The following NUBPL variants were observed in gnomAD, a reference collection of about 807,000 sequenced individuals.
NUBPL encodes the protein NUBP iron-sulfur cluster assembly factor, mitochondrial.
A neutral mutation model predicts 45.7 loss-of-function variants in NUBPL; 31 were observed. That is an observed-to-expected ratio of 0.68 (90% CI 0.51 to 0.92). The LOEUF is 0.92. Ranked by LOEUF, NUBPL falls within the 40% of genes least tolerant of loss-of-function variation. The pLI, the probability that NUBPL is intolerant of heterozygous loss-of-function variation, is 0.00. For missense variants in NUBPL, 401 were observed against 398.7 expected (o/e 1.01, Z -0.05); for synonymous variants, 144 against 140.9 (o/e 1.02, Z -0.15).
intron 6 of NUBPL, among the ~76,000 whole-genome samples, chr14:31,683,135 C>T (rs1451195153): frequency 6.7e-6 from 1 of 149,946 alleles, no homozygotes; most frequent in South Asian, 2.1e-4. Flanking sequence ...GACCCAAGAA[C>T]CTCCCACTAG....
intron 6 of NUBPL, among the ~76,000 whole-genome samples, chr14:31,785,699 G>T (rs1440361742): frequency 6.6e-6 from 1 of 151,982 alleles, no homozygotes; most frequent in African/African-American, 2.4e-5. Context: ...TCACTAAATT[G>T]TCAGTTCCAT....
intron 6 of NUBPL, among the ~76,000 whole-genome samples, chr14:31,683,066 T>A (rs527838783): frequency 3.5e-5 from 5 of 143,438 alleles, no homozygotes; most frequent in African/African-American, 1.3e-4. Context: ...ACTAATAGAG[T>A]GAGAACTCTC....
At chr14:31,662,546 C>G (rs1211876392) in intron 4 of NUBPL, among the ~76,000 whole-genome samples, 1 of 152,044 alleles carries the variant, frequency 6.6e-6, no homozygotes, top group East Asian at 1.9e-4. Context: ...GTTCAACTAC[C>G]ACTTATGATT....
chr14:31,632,059 T>C (rs1183945767), intron 4 of NUBPL, among the ~76,000 whole-genome samples: 1 of 152,104 alleles, frequency 6.6e-6, no homozygotes, highest in East Asian at 1.9e-4. Context: ...AATCCTGGAG[T>C]TTCTAGATTA....
At chr14:31,598,522 GA>G (rs1222436481) in intron 3 of NUBPL, among the ~76,000 whole-genome samples, 3 of 151,404 alleles carry the variant, frequency 2.0e-5, no homozygotes, top group Non-Finnish European at 4.4e-5. Context: ...AGGGGAAGAA[GA>G]AAAAAAAGAG....
chr14:31,826,450 A>T (rs2138967169), intron 7 of NUBPL, among the ~76,000 whole-genome samples, 179 bp from the exon 8 acceptor site: 1 of 152,258 alleles, frequency 6.6e-6, no homozygotes, highest in African/African-American at 2.4e-5. Context: ...GAGGATTCAA[A>T]GGTAGGCCAA....
At chr14:31,722,588 A>G (rs371386617) in intron 6 of NUBPL, among the ~76,000 whole-genome samples, 23 of 152,226 alleles carry the variant, frequency 1.5e-4, no homozygotes, top group African/African-American at 5.1e-4. Flanking sequence ...TTTCTCCGCT[A>G]CTTCGCCAGT....
intron 6 of NUBPL, among the ~76,000 whole-genome samples, chr14:31,777,600 A>G (rs1217617921): frequency 6.6e-6 from 1 of 152,160 alleles, no homozygotes; most frequent in Non-Finnish European, 1.5e-5. Flanking sequence ...GTAGGGTGAA[A>G]CACAGAAGGA....
intron 7 of NUBPL, among the ~76,000 whole-genome samples, chr14:31,806,648 C>G (rs1292522210): frequency 6.6e-6 from 1 of 151,878 alleles, no homozygotes; most frequent in African/African-American, 2.4e-5. Context: ...ACTTTAAGTT[C>G]TAGGGTACAT....
chr14:31,697,794 A>G (rs1333402503), intron 6 of NUBPL, among the ~76,000 whole-genome samples: 12 of 152,218 alleles, frequency 7.9e-5, no homozygotes, highest in Admixed American at 3.9e-4. Flanking sequence ...AGTGATAATT[A>G]AGAAGCCTTA....
At chr14:31,589,230 T>C (rs1332089859) in intron 3 of NUBPL, among the ~76,000 whole-genome samples, 2 of 152,152 alleles carry the variant, frequency 1.3e-5, no homozygotes, top group African/African-American at 4.8e-5. Flanking sequence ...ATAATTATGG[T>C]GCCTTGATAA....
chr14:31,793,382 A>G (rs938399968), intron 7 of NUBPL, among the ~76,000 whole-genome samples: 1 of 152,116 alleles, frequency 6.6e-6, no homozygotes, highest in African/African-American at 2.4e-5. Flanking sequence ...ACTCCCCGCC[A>G]TCTTCCCCAA....
At chr14:31,563,986 C>T (rs747377328) in intron 2 of NUBPL, among the ~76,000 whole-genome samples, 16 of 152,116 alleles carry the variant, frequency 1.1e-4, no homozygotes, top group Admixed American at 2.0e-4. Context: ...GGTAAAATAA[C>T]CTACTCAAGA....
In NUBPL at chr14:31,602,194, A is replaced by T. The variant is rs546868261; in HGVS notation, c.382+2815A>T. 1.6e-3 allele frequency among the ~76,000 whole-genome samples: 243 copies of T among 152,066 alleles called. 2 individuals carry two copies. The highest frequency in any genetic ancestry group is 5.7e-3 in the African/African-American group (235 of 41,450). On this transcript the variant is annotated intron_variant, in intron 4 of 10. Coordinates refer to ENST00000281081, the MANE Select transcript of NUBPL (RefSeq NM_025152.3). The stretch of plus-strand genomic sequence containing the variant: ...CATAGGTGGGAATTGAACAATGAGA[A>T]CACATGGACACAGGAAGGGGAAGAT...
chr14:31,606,114 T>TC (rs2034592126), intron 4 of NUBPL, among the ~76,000 whole-genome samples: 1 of 148,176 alleles, frequency 6.7e-6, no homozygotes, highest in Non-Finnish European at 1.5e-5. Context: ...TTTTTTTTTT[T>TC]TGAGAGTATC....
intron 6 of NUBPL, among the ~76,000 whole-genome samples, chr14:31,674,563 C>T (rs544519505): frequency 1.4e-4 from 22 of 152,268 alleles, no homozygotes; most frequent in African/African-American, 5.1e-4. Flanking sequence ...ACCACCCCAT[C>T]CCCACCAATT....
chr14:31,603,504 A>G (rs1157057040), intron 4 of NUBPL, among the ~76,000 whole-genome samples: 2 of 151,958 alleles, frequency 1.3e-5, no homozygotes, highest in African/African-American at 2.4e-5. Context: ...TTACTCCTGT[A>G]TATTTATTGG....
chr14:31,840,307 C>T (rs546092971), intron 8 of NUBPL, among the ~76,000 whole-genome samples: 56 of 152,274 alleles, frequency 3.7e-4, no homozygotes, highest in African/African-American at 1.3e-3. Flanking sequence ...GGCGCGGTGG[C>T]TCACACCTGT....
intron 6 of NUBPL, among the ~76,000 whole-genome samples, chr14:31,746,564 C>G (rs779727987): frequency 1.3e-5 from 2 of 151,918 alleles, no homozygotes; most frequent in Admixed American, 6.6e-5. Flanking sequence ...CTTTTGAATG[C>G]ACTATTAGAT....
Sources: allele counts gnomAD v4.1 joint callset (sites outside exome capture counted in the v4.1 genomes callset), GRCh38; gene constraint gnomAD v4.1.1; transcripts MANE v1.5; gene names NCBI Gene and HGNC (gene_info 2026-07-23, HGNC 2026-07-21).